The following VPS39 variants were observed in gnomAD, a reference collection of about 807,000 sequenced individuals.
VPS39 encodes VPS39 subunit of HOPS complex.
VPS39 carries 70 observed loss-of-function variants against 121.0 expected under a neutral mutation model. The ratio of observed to expected loss-of-function variants is 0.58; its 90% CI spans 0.48 to 0.71. The LOEUF is 0.71. Ranked by LOEUF, VPS39 falls within the 30% of genes least tolerant of loss-of-function variation. VPS39 has a pLI of 0.00. For synonymous variants in VPS39, 378 were observed against 398.1 expected (o/e 0.95, Z 0.60); for missense variants, 818 against 1,051.5 (o/e 0.78, Z 3.07).
chr15:42,175,269 G>A (rs754935228), intron 10 of VPS39, among the ~76,000 whole-genome samples: 1 of 150,666 alleles, frequency 6.6e-6, no homozygotes, highest in Non-Finnish European at 1.5e-5. Context: ...TTAGCTGGGC[G>A]TGGTGGCGCA....
chr15:42,180,143 G>A (rs1481424610), intron 8 of VPS39, among the ~76,000 whole-genome samples: 1 of 152,164 alleles, frequency 6.6e-6, no homozygotes, highest in Non-Finnish European at 1.5e-5. Context: ...GTGGTATTCT[G>A]TTATAGCTGC....
intron 1 of VPS39, among the ~76,000 whole-genome samples, chr15:42,206,445 G>A (rs1307355452): frequency 1.3e-5 from 2 of 152,180 alleles, no homozygotes; most frequent in Non-Finnish European, 2.9e-5. Flanking sequence ...AAGGCCAAAA[G>A]CTACCTATTG....
chr15:42,204,688 T>TA (rs1566913973), intron 1 of VPS39, among the ~76,000 whole-genome samples: 2 of 151,882 alleles, frequency 1.3e-5, no homozygotes, highest in East Asian at 1.9e-4. Context: ...AAAATAAAAT[T>TA]AAATTAAATT....
chr15:42,167,343 G>T (rs769593837), intron 13 of VPS39, 51 bp downstream of exon 13: 4 of 1,604,298 alleles, frequency 2.5e-6, no homozygotes, highest in South Asian at 1.1e-5. Flanking sequence ...TACTTTCCCA[G>T]ACTGTCAGGG....
At chr15:42,191,688 C>A in intron 2 of VPS39, 128 bp from the exon 3 acceptor site, 1 of 799,182 alleles carries the variant, frequency 1.3e-6, no homozygotes, top group Non-Finnish European at 2.0e-6. Flanking sequence ...GACTAAAAAT[C>A]AGAGATCTAA....
intron 17 of VPS39, 158 bp from the exon 18 acceptor site, chr15:42,165,271 G>A (rs2049219728): frequency 3.0e-6 from 2 of 665,474 alleles, no homozygotes; most frequent in South Asian, 3.8e-5. Flanking sequence ...AAGCCACCAG[G>A]AAGTTTCACA....
chr15:42,196,513 G>C (rs2049941262), intron 2 of VPS39, among the ~76,000 whole-genome samples: 1 of 152,300 alleles, frequency 6.6e-6, no homozygotes, highest in Middle Eastern at 3.4e-3. Flanking sequence ...CAAAGGATAT[G>C]AACAGACACT....
intron 20 of VPS39, 31 bp downstream of exon 20, chr15:42,163,595 C>T (rs1471328175): frequency 6.3e-7 from 1 of 1,596,286 alleles, no homozygotes; most frequent in African/African-American, 1.3e-5. Context: ...TTTTAGACTG[C>T]TTAGGAGGTG....
At chr15:42,200,390 A>C (rs2050042601) in intron 1 of VPS39, among the ~76,000 whole-genome samples, 2 of 152,174 alleles carry the variant, frequency 1.3e-5, no homozygotes, top group Admixed American at 1.3e-4. Flanking sequence ...AGTTTATAAA[A>C]TCACAAAATG....
intron 8 of VPS39, among the ~76,000 whole-genome samples, chr15:42,183,387 C>T (rs1470933888): frequency 6.6e-6 from 1 of 152,094 alleles, no homozygotes; most frequent in Non-Finnish European, 1.5e-5. Flanking sequence ...CAGGCGTGAG[C>T]CACTGTGCCC....
At chr15:42,189,972 C>T (rs1193405432) in intron 4 of VPS39, among the ~76,000 whole-genome samples, 1 of 151,666 alleles carries the variant, frequency 6.6e-6, no homozygotes, top group Non-Finnish European at 1.5e-5. Flanking sequence ...CACCACCACA[C>T]CTGGCTAATT....
chr15:42,208,077 T>A lies in VPS39; in HGVS notation c.73+4A>T, dbSNP rs1199883216. ...CGCCTCGGCCCCGCGGCCCCTCGGC[T>A]CACCCCAGGCAGCCAGACAGTCGAT... On this transcript the variant is annotated splice_donor_region_variant and intron_variant, in intron 1 of 24. Transcript: ENST00000318006. 1 of 1,578,228 alleles carries A rather than the reference T, an allele frequency of 6.3e-7. No homozygotes were observed. Among genetic ancestry groups the A allele is most frequent in the Admixed American group, 1.8e-5 (1 of 55,298 alleles).
At chr15:42,163,533 G>T in intron 20 of VPS39, 93 bp downstream of exon 20, 1 of 1,513,854 alleles carries the variant, frequency 6.6e-7, no homozygotes, top group Non-Finnish European at 9.1e-7. Flanking sequence ...TGCTCCCGCA[G>T]TGGAGTATGG....
At chr15:42,164,694 A>G in intron 18 of VPS39, 1 of 1,433,878 alleles carries the variant, frequency 7.0e-7, no homozygotes, top group Non-Finnish European at 9.1e-7. Context: ...AGCTGAATAG[A>G]GAAATACTCT....
rs746468726 is a variant in VPS39, at chr15:42,173,554, T to C, written c.1090+169A>G. The C allele has an allele frequency of 7.9e-6, 6 of 761,032 alleles. No homozygotes were observed. In the Admixed American group the frequency reaches 1.5e-4, roughly 19 times the overall value. The allele number at this position is 761,032 out of a possible 1,614,324, so 47.1% of individuals were successfully genotyped here. ...GACCAGATTCATAGGATTAGGAGTA[T>C]AGATATGTAACCACTGTGGTCACCC... On this transcript the variant is annotated intron_variant, in intron 11 of 24. Coordinates refer to ENST00000318006, the MANE Select transcript of VPS39 (RefSeq NM_015289.5).
At position 42,161,664 on chromosome 15, in the gene VPS39, G is replaced by A. The variant is rs767315369; in HGVS notation, c.2552+18C>T. ...CTCCACAAAGCCCAGATGCCACACAGGTGTGAAGGAGGCTCACCTGTTCCC... is the reference window on the plus strand; with the variant it reads ...CTCCACAAAGCCCAGATGCCACACAAGTGTGAAGGAGGCTCACCTGTTCCC... On this transcript the variant is annotated intron_variant, in intron 24 of 24. Transcript: ENST00000318006. 1.2e-6 allele frequency: 2 copies of A among 1,613,036 alleles called. No homozygotes were observed. Among genetic ancestry groups the A allele is most frequent in the Non-Finnish European group, 1.7e-6 (2 of 1,178,984 alleles).
Position 42,163,637 on chromosome 15 carries a change from C to G in VPS39, c.2118G>C (p.Arg706Ser), listed in dbSNP as rs770121050. 1.2e-5 allele frequency: 20 copies of G among 1,613,584 alleles called. No individual in the cohort carries two copies. The highest frequency in any genetic ancestry group is 1.6e-5 in the Non-Finnish European group (19 of 1,179,804). ...FIYVHILKDT[R>S]MAEEYCHKHY... Reference sequence around the variant, plus strand: ...TGGGGCAAACTTACTCCTCAGCCATCCTTGTATCCTTCAAGATGTGGACAT... The same window carrying G: ...TGGGGCAAACTTACTCCTCAGCCATGCTTGTATCCTTCAAGATGTGGACAT... The change falls in exon 20 of 25, where the codon AGG (arginine) becomes AGC (serine). Residue 706 changes from arginine to serine, a missense_variant. Transcript: ENST00000318006.
chr15:42,199,991 A>AC (rs2140889646), intron 1 of VPS39, 30 bp from the exon 2 acceptor site: 1 of 1,548,654 alleles, frequency 6.5e-7, no homozygotes, highest in East Asian at 2.3e-5. Flanking sequence ...CAAAAACAAA[A>AC]ACAAAAAAAA....
chr15:42,190,080 G>A (rs1006990161), intron 4 of VPS39, among the ~76,000 whole-genome samples: 1 of 152,040 alleles, frequency 6.6e-6, no homozygotes, highest in South Asian at 2.1e-4. Context: ...CTCCCAAAGT[G>A]CTGGGATTAC....
Sources: gnomAD v4.1 joint callset for allele counts (sites outside exome capture counted in the v4.1 genomes callset) on GRCh38, gnomAD v4.1.1 for gene constraint, MANE v1.5 for transcripts, NCBI Gene and HGNC (gene_info 2026-07-23, HGNC 2026-07-21) for gene names.